Variants in CDH4 observed in about 807,000 individuals in gnomAD.
CDH4 encodes the protein cadherin-4.
A neutral mutation model predicts 86.0 loss-of-function variants in CDH4; 33 were observed. That is an observed-to-expected ratio of 0.38 (90% CI 0.29 to 0.51). The LOEUF is 0.51. Among genes scored for constraint, CDH4 ranks in the 20% least tolerant of loss-of-function variants. CDH4 has a pLI of 0.86. For synonymous variants in CDH4, 555 were observed against 549.4 expected (o/e 1.01, Z -0.14); for missense variants, 1,114 against 1,307.4 (o/e 0.85, Z 2.28).
chr20:61,843,464 A>G (rs1488599230), intron 4 of CDH4, among the ~76,000 whole-genome samples: 1 of 143,804 alleles, frequency 7.0e-6, no homozygotes, highest in East Asian at 2.0e-4. Flanking sequence ...CTCAAAAAAA[A>G]AAAAAAAAAA....
At chr20:61,352,721 G>A (rs1056035830) in intron 2 of CDH4, among the ~76,000 whole-genome samples, 1 of 152,102 alleles carries the variant, frequency 6.6e-6, no homozygotes, top group African/African-American at 2.4e-5. Context: ...TTGTTGGTTT[G>A]CAGGCGTTGT....
At chr20:61,574,064 G>C (rs1188864935) in intron 2 of CDH4, among the ~76,000 whole-genome samples, 1 of 152,232 alleles carries the variant, frequency 6.6e-6, no homozygotes, top group Non-Finnish European at 1.5e-5. Flanking sequence ...AGGACCCACA[G>C]CCCTGGGGTG....
chr20:61,706,396 G>C (rs1029474134), intron 2 of CDH4, among the ~76,000 whole-genome samples: 4 of 152,172 alleles, frequency 2.6e-5, no homozygotes, highest in African/African-American at 9.6e-5. Context: ...AACTGCAGCC[G>C]GCCTCATTTG....
At chr20:61,871,457 G>A (rs995306602) in intron 6 of CDH4, among the ~76,000 whole-genome samples, 1 of 152,158 alleles carries the variant, frequency 6.6e-6, no homozygotes, top group Non-Finnish European at 1.5e-5. Context: ...CTAAGTAGGG[G>A]ACGCTAACAA....
intron 4 of CDH4, among the ~76,000 whole-genome samples, chr20:61,777,841 T>C (rs1978332281): frequency 6.9e-6 from 1 of 145,544 alleles, no homozygotes; most frequent in Non-Finnish European, 1.5e-5. Flanking sequence ...CGCACTTGCA[T>C]ACAAAAACAC....
intron 2 of CDH4, among the ~76,000 whole-genome samples, chr20:61,551,698 G>A (rs919209806): frequency 2.0e-5 from 3 of 152,214 alleles, no homozygotes; most frequent in Non-Finnish European, 4.4e-5. Context: ...ACACACTACT[G>A]TGAAGAATCT....
intron 2 of CDH4, among the ~76,000 whole-genome samples, chr20:61,541,728 C>T (rs6061279): frequency 0.33 from 50,888 of 152,096 alleles, 14,218 homozygotes; most frequent in African/African-American, 0.76. Flanking sequence ...GCTTTTTCTT[C>T]TCACTTAATG....
At chr20:61,362,503 A>G (rs1198691328) in intron 2 of CDH4, among the ~76,000 whole-genome samples, 1 of 148,686 alleles carries the variant, frequency 6.7e-6, no homozygotes, top group Non-Finnish European at 1.5e-5. Flanking sequence ...AGGACAGTGT[A>G]GTGGAGAGCG....
At chr20:61,718,254 C>T (rs1157756941) in intron 2 of CDH4, 1 of 162,130 alleles carries the variant, frequency 6.2e-6, no homozygotes, top group Non-Finnish European at 1.4e-5. Flanking sequence ...CCCACTCTGC[C>T]TCCGGGGGAA....
rs1394460151 is a variant in CDH4 at position 61,663,442 on chromosome 20, T to G, written c.170-80121T>G. ...AAAGAGCTGCGTAAAAGACAATAAT[T>G]CTGAAGGCTCTGGGTCGGGGGCATT... On this transcript the variant is annotated intron_variant, in intron 2 of 15. Transcript: ENST00000614565. The surrounding 1 kb of genome is among the most constrained non-coding windows in gnomAD (Gnocchi z 5.0). Among the ~76,000 whole-genome samples the G allele has an allele frequency of 6.6e-6, 1 of 152,074 alleles. No homozygotes were observed. The highest frequency in any genetic ancestry group is 1.5e-5 in the Non-Finnish European group (1 of 68,002).
At chr20:61,658,759 A>C (rs1227179806) in intron 2 of CDH4, among the ~76,000 whole-genome samples, 1 of 152,138 alleles carries the variant, frequency 6.6e-6, no homozygotes, top group East Asian at 1.9e-4. Context: ...GCTGGGGGAA[A>C]TACCACCCCC....
intron 2 of CDH4, among the ~76,000 whole-genome samples, chr20:61,692,219 A>ATG (rs1168605378): frequency 3.4e-5 from 5 of 146,156 alleles, no homozygotes; most frequent in African/African-American, 9.9e-5. Flanking sequence ...CTATGTATGT[A>ATG]TGTGTGTATG....
In CDH4 at chr20:61,635,233, C is replaced by T. The variant is rs7270392; in HGVS notation, c.170-108330C>T. Among the ~76,000 whole-genome samples the T allele has an allele frequency of 5.5e-3, 836 of 152,332 alleles. 7 individuals carry two copies. Among genetic ancestry groups the T allele is most frequent in the African/African-American group, 0.018 (737 of 41,574 alleles). On this transcript the variant is annotated intron_variant, in intron 2 of 15. Coordinates refer to ENST00000614565, the MANE Select transcript of CDH4 (RefSeq NM_001794.5). ...ACTCCAAGCTGTTTTCCACAGGGGCCTCACGGTTCCACATCCCCACCAGCG... is the reference window on the plus strand; with the variant it reads ...ACTCCAAGCTGTTTTCCACAGGGGCTTCACGGTTCCACATCCCCACCAGCG...
At position 61,866,527 on chromosome 20, in the gene CDH4, TG is replaced by T. The variant is rs1408254056; in HGVS notation, c.878-7199del. Among the ~76,000 whole-genome samples, 11 of 152,316 alleles carry T rather than the reference TG, an allele frequency of 7.2e-5. No individual in the cohort carries two copies. The East Asian group carries it at 1.5e-3, about 21-fold the overall frequency. ...AAGTAGCTTTTGCACATTTGACATG[TG>T]GAAAATGTCTTCCTTTCATTTCTTT... is the stretch of plus-strand genomic sequence containing the variant. On this transcript the variant is annotated intron_variant, in intron 6 of 15. Coordinates refer to ENST00000614565, the MANE Select transcript of CDH4 (RefSeq NM_001794.5).
intron 2 of CDH4, among the ~76,000 whole-genome samples, chr20:61,449,101 A>T (rs2085366862): frequency 6.6e-6 from 1 of 152,164 alleles, no homozygotes; most frequent in Non-Finnish European, 1.5e-5. Context: ...GCACCTGCCC[A>T]CTGTGTGCAG....
intron 5 of CDH4, among the ~76,000 whole-genome samples, chr20:61,850,722 C>G (rs1356845637): frequency 6.6e-6 from 1 of 152,262 alleles, no homozygotes; most frequent in Non-Finnish European, 1.5e-5. Flanking sequence ...GAGGACTCCT[C>G]CACCCATGTT....
At chr20:61,746,807 G>C (rs2088419973) in intron 3 of CDH4, among the ~76,000 whole-genome samples, 1 of 152,258 alleles carries the variant, frequency 6.6e-6, no homozygotes, top group Non-Finnish European at 1.5e-5. Context: ...AGGCTTCACA[G>C]TCCTGTGCTT....
At chr20:61,765,795 G>A (rs1225515127) in intron 3 of CDH4, among the ~76,000 whole-genome samples, 1 of 152,120 alleles carries the variant, frequency 6.6e-6, no homozygotes, top group East Asian at 1.9e-4. Context: ...TGGGGGCAAG[G>A]GGACTGGCAG....
intron 2 of CDH4, among the ~76,000 whole-genome samples, chr20:61,565,344 T>TGG (rs2086284530): frequency 3.8e-5 from 2 of 52,038 alleles, no homozygotes; most frequent in Non-Finnish European, 8.1e-5. Context: ...GTGGTAGTGG[T>TGG]CCTCTTGGTG....
Sources: allele counts gnomAD v4.1 joint callset (sites outside exome capture counted in the v4.1 genomes callset), GRCh38; gene constraint gnomAD v4.1.1; non-coding constraint Gnocchi (gnomAD v3.1); transcripts MANE v1.5; gene names NCBI Gene and HGNC (gene_info 2026-07-23, HGNC 2026-07-21).